Variants in ARHGAP15 observed in about 807,000 individuals in gnomAD.
ARHGAP15 encodes rho GTPase-activating protein 15.
In ARHGAP15, 51 loss-of-function variants were observed where a neutral mutation model predicts 63.7. The ratio of observed to expected loss-of-function variants is 0.80; its 90% confidence interval spans 0.64 to 1.01. ARHGAP15 has a LOEUF of 1.01. Ranked by LOEUF, ARHGAP15 falls within the 50% of genes least tolerant of loss-of-function variation. ARHGAP15 has a pLI of 0.00. For missense variants in ARHGAP15, 560 were observed against 564.6 expected (o/e 0.99, Z 0.08); for synonymous variants, 191 against 193.8 (o/e 0.99, Z 0.12).
chr2:143,218,072 C>T (rs1244804095), intron 4 of ARHGAP15, among the ~76,000 whole-genome samples: 1 of 152,158 alleles, frequency 6.6e-6, no homozygotes, highest in Non-Finnish European at 1.5e-5. Context: ...TTCCCCCAGC[C>T]AACTCACATG....
chr2:143,389,251 A>G (rs1687438197), intron 6 of ARHGAP15, among the ~76,000 whole-genome samples: 1 of 152,074 alleles, frequency 6.6e-6, no homozygotes, highest in Non-Finnish European at 1.5e-5. Flanking sequence ...CCAGATGGGC[A>G]GGTGAAAATG....
At chr2:143,236,088 C>T in intron 5 of ARHGAP15, 2 of 1,314,012 alleles carry the variant, frequency 1.5e-6, no homozygotes, top group South Asian at 1.6e-5. Context: ...TTCATTTATT[C>T]TCTCAACAGT....
At chr2:143,389,953 G>T (rs1353743001) in intron 6 of ARHGAP15, among the ~76,000 whole-genome samples, 2 of 150,256 alleles carry the variant, frequency 1.3e-5, no homozygotes, top group African/African-American at 4.9e-5. Context: ...GCTTTTCATG[G>T]TATTGAAATA....
At chr2:143,492,742 A>T (rs988328966) in intron 9 of ARHGAP15, among the ~76,000 whole-genome samples, 1 of 152,134 alleles carries the variant, frequency 6.6e-6, no homozygotes, top group Non-Finnish European at 1.5e-5. Context: ...AGCCTGGGTG[A>T]CAGAGTGAGA....
At chr2:143,409,528 A>T (rs1198147964) in intron 6 of ARHGAP15, among the ~76,000 whole-genome samples, 1 of 152,050 alleles carries the variant, frequency 6.6e-6, no homozygotes, top group African/African-American at 2.4e-5. Flanking sequence ...ATATCATAGT[A>T]TAAGCTCTCT....
intron 5 of ARHGAP15, among the ~76,000 whole-genome samples, chr2:143,243,870 A>G (rs1007891466): frequency 4.6e-5 from 7 of 152,118 alleles, no homozygotes; most frequent in African/African-American, 1.7e-4. Flanking sequence ...TTTTTACACA[A>G]TCCTCCAGCT....
intron 2 of ARHGAP15, among the ~76,000 whole-genome samples, chr2:143,193,201 T>G (rs1464948762): frequency 6.6e-6 from 1 of 152,222 alleles, no homozygotes; most frequent in Non-Finnish European, 1.5e-5. Flanking sequence ...TGTAGTATTA[T>G]GCAGGCTGCC....
chr2:143,498,724 T>C (rs749932758), intron 9 of ARHGAP15, among the ~76,000 whole-genome samples: 21 of 152,130 alleles, frequency 1.4e-4, no homozygotes, highest in Non-Finnish European at 2.4e-4. Flanking sequence ...ACTGCCTTGA[T>C]CTTGTTTGAA....
chr2:143,624,075 G>T, intron 11 of ARHGAP15, 58 bp from the exon 12 acceptor site: 1 of 1,585,166 alleles, frequency 6.3e-7, no homozygotes, highest in Admixed American at 1.7e-5. Flanking sequence ...ATAATAATTA[G>T]TGTCTTGTAA....
At chr2:143,322,698 C>G (rs1684079129) in intron 6 of ARHGAP15, among the ~76,000 whole-genome samples, 1 of 152,214 alleles carries the variant, frequency 6.6e-6, no homozygotes, top group African/African-American at 2.4e-5. Context: ...ACCTCAGGAT[C>G]TAGCCTAATT....
chr2:143,534,903 C>CA (rs951381315), intron 10 of ARHGAP15, among the ~76,000 whole-genome samples: 3 of 151,386 alleles, frequency 2.0e-5, no homozygotes, highest in African/African-American at 4.9e-5. Context: ...AAAAACAAAA[C>CA]AAAAAAACCT....
intron 11 of ARHGAP15, among the ~76,000 whole-genome samples, chr2:143,564,788 T>A (rs563122437): frequency 1.4e-4 from 21 of 152,260 alleles, no homozygotes; most frequent in Non-Finnish European, 1.3e-4. Flanking sequence ...ATATTATGTA[T>A]GTTAGTATGA....
chr2:143,230,923 C>T (rs7607384), intron 5 of ARHGAP15, among the ~76,000 whole-genome samples: 25,253 of 152,076 alleles, frequency 0.17, 2,248 homozygotes, highest in Middle Eastern at 0.24. Flanking sequence ...AGACAAGCTG[C>T]CTGAGTGAGT....
At chr2:143,461,681 A>G (rs1466431077) in intron 8 of ARHGAP15, among the ~76,000 whole-genome samples, 2 of 152,116 alleles carry the variant, frequency 1.3e-5, no homozygotes, top group Non-Finnish European at 2.9e-5. Context: ...TTCAGTGTCC[A>G]TTTTCTTCAT....
intron 1 of ARHGAP15, among the ~76,000 whole-genome samples, chr2:143,150,715 C>T (rs1186990157): frequency 6.6e-6 from 1 of 151,934 alleles, no homozygotes; most frequent in Non-Finnish European, 1.5e-5. Context: ...TTTCATTAGT[C>T]ATTCACCAGT....
chr2:143,377,174 A>G (rs1052958658), intron 6 of ARHGAP15, among the ~76,000 whole-genome samples: 45 of 152,056 alleles, frequency 3.0e-4, no homozygotes, highest in African/African-American at 7.2e-5. Context: ...TCCTATAAAG[A>G]ATAAATACTT....
intron 13 of ARHGAP15, among the ~76,000 whole-genome samples, chr2:143,742,901 T>C (rs896952155): frequency 1.3e-5 from 2 of 152,188 alleles, no homozygotes; most frequent in Non-Finnish European, 2.9e-5. Flanking sequence ...CACAGACTTT[T>C]CTCACTGCCA....
At chr2:143,476,594 A>G (rs552246893) in intron 8 of ARHGAP15, among the ~76,000 whole-genome samples, 4 of 152,338 alleles carry the variant, frequency 2.6e-5, no homozygotes, top group Admixed American at 1.3e-4. Context: ...CAACTTAAAC[A>G]TATACACAAT....
chr2:143,209,548 G>GTAA (rs1692486442), intron 3 of ARHGAP15, among the ~76,000 whole-genome samples: 1 of 145,528 alleles, frequency 6.9e-6, no homozygotes, highest in Non-Finnish European at 1.5e-5. Context: ...ATTACAAAAT[G>GTAA]TGCTATGATA....
Sources: allele counts gnomAD v4.1 joint callset (sites outside exome capture counted in the v4.1 genomes callset), GRCh38; gene constraint gnomAD v4.1.1; transcripts MANE v1.5; gene names NCBI Gene and HGNC (gene_info 2026-07-23, HGNC 2026-07-21).